PRKCB: variants seen among roughly 807,000 people sequenced by gnomAD.
PRKCB encodes the protein protein kinase C beta type.
A neutral mutation model predicts 81.5 loss-of-function variants in PRKCB; 13 were observed. That is an observed-to-expected ratio of 0.16 (90% CI 0.10 to 0.25). PRKCB has a LOEUF of 0.25. Ranked by LOEUF, PRKCB falls within the 10% of genes least tolerant of loss-of-function variation. PRKCB has a pLI of 1.00. For missense variants in PRKCB, 509 were observed against 875.7 expected (o/e 0.58, Z 5.29); for synonymous variants, 335 against 321.4 (o/e 1.04, Z -0.45).
chr16:24,021,775 A>T (rs1384505625), intron 3 of PRKCB, among the ~76,000 whole-genome samples: 1 of 152,088 alleles, frequency 6.6e-6, no homozygotes, highest in Non-Finnish European at 1.5e-5. Context: ...CTCATCTGGA[A>T]TACCAGGATA....
At chr16:23,952,123 G>A (rs1213047538) in intron 2 of PRKCB, among the ~76,000 whole-genome samples, 4 of 152,118 alleles carry the variant, frequency 2.6e-5, no homozygotes, top group African/African-American at 9.7e-5. Flanking sequence ...ACTGAATGAG[G>A]GAATGAATGA....
In PRKCB at chr16:23,836,004, C is replaced by T; in HGVS notation, c.-172C>T. The T allele has an allele frequency of 4.3e-6, 1 of 230,314 alleles. No homozygotes were observed. Among genetic ancestry groups the T allele is most frequent in the Non-Finnish European group, 7.1e-6 (1 of 140,042 alleles). 14.3% of individuals were successfully genotyped at this position (230,314 alleles called of 1,614,324 possible). A position where few individuals can be genotyped will look rare whatever the true frequency, so the allele number is the denominator to read the frequency against. On this transcript the variant is annotated 5_prime_UTR_variant, in exon 1 of 17. Transcript: ENST00000643927. The stretch of plus-strand genomic sequence containing the variant: ...AGCTGGACGAGCGGCAGCAGCTGGG[C>T]GAGTGACAGCCCCGGCTCCGCGCGC...
intron 8 of PRKCB, among the ~76,000 whole-genome samples, chr16:24,119,376 C>A (rs762464151): frequency 6.6e-6 from 1 of 152,064 alleles, no homozygotes; most frequent in Admixed American, 6.5e-5. Flanking sequence ...CTGTCCACTA[C>A]GCAAAGTCAA....
At chr16:23,978,402 TGTC>T (rs1964652198) in intron 2 of PRKCB, among the ~76,000 whole-genome samples, 1 of 152,198 alleles carries the variant, frequency 6.6e-6, no homozygotes, top group African/African-American at 2.4e-5. Flanking sequence ...ATGAGTGAAC[TGTC>T]GTCTGTCCTG....
rs142170476 is a variant in PRKCB at position 24,007,961 on chromosome 16, C to A, written c.288+19371C>A. 2.5e-3 allele frequency among the ~76,000 whole-genome samples: 384 copies of A among 151,366 alleles called. 1 individual carries two copies. The highest frequency in any genetic ancestry group is 3.8e-3 in the Non-Finnish European group (256 of 67,934). On this transcript the variant is annotated intron_variant, in intron 3 of 16. Coordinates refer to ENST00000643927, the MANE Select transcript of PRKCB (RefSeq NM_002738.7). ...GTTCATGCCCTCATGAGGGCTCCCC[C>A]ACCTCCAGTGGTCTAGGATTCTAGG...
chr16:23,838,333 T>C (rs930904275), intron 2 of PRKCB, among the ~76,000 whole-genome samples: 30 of 152,366 alleles, frequency 2.0e-4, no homozygotes, highest in African/African-American at 7.2e-4. Context: ...TCGTCGTAGA[T>C]GGGGAACAGC....
chr16:23,891,002 CGT>C (rs10551727), intron 2 of PRKCB, among the ~76,000 whole-genome samples: 78,400 of 147,606 alleles, frequency 0.53, 21,177 homozygotes, highest in East Asian at 0.63. Flanking sequence ...ATATATAATG[CGT>C]GTGTGTGTGT....
chr16:23,997,076 A>G (rs913459617), intron 3 of PRKCB, among the ~76,000 whole-genome samples: 1 of 152,148 alleles, frequency 6.6e-6, no homozygotes, highest in African/African-American at 2.4e-5. Flanking sequence ...TCTCAGTTCC[A>G]GAGGGAGGAA....
chr16:23,879,070 C>T, intron 2 of PRKCB, among the ~76,000 whole-genome samples: 1 of 151,974 alleles, frequency 6.6e-6, no homozygotes, highest in South Asian at 2.1e-4. Context: ...CCCAGCTACT[C>T]AGGAGGTTGA....
chr16:24,191,228 G>A lies in PRKCB; in HGVS notation c.1861G>A (p.Ala621Thr), dbSNP rs777885939. The change falls in exon 16 of 17, where the codon GCT becomes ACT. Residue 621 changes from alanine (A) to threonine (T), a missense_variant and splice_region_variant. Ala to Thr is a moderately conservative substitution (Grantham distance 58). Coordinates refer to ENST00000643927, the MANE Select transcript of PRKCB (RefSeq NM_002738.7). ...KEIQPPYKPK[A>T]CGRNAENFDR... is the part of the protein sequence containing the mutation. ...GATCCAGCCCCCTTATAAGCCAAAAGCTGTAAGTAGCCCATTCTCTCTGAC... is the reference window on the plus strand; with the variant it reads ...GATCCAGCCCCCTTATAAGCCAAAAACTGTAAGTAGCCCATTCTCTCTGAC... 6.8e-6 allele frequency: 11 copies of A among 1,613,884 alleles called. No homozygotes were observed. In the East Asian group the frequency reaches 2.5e-4, roughly 36 times the overall value.
chr16:24,197,149 A>G (rs1010498335), intron 16 of PRKCB, among the ~76,000 whole-genome samples: 1 of 152,224 alleles, frequency 6.6e-6, no homozygotes, highest in African/African-American at 2.4e-5. Context: ...CCCTGCCTTC[A>G]TGGAGCTTAT....
intron 5 of PRKCB, among the ~76,000 whole-genome samples, chr16:24,044,271 A>G (rs965549018): frequency 6.6e-6 from 1 of 152,166 alleles, no homozygotes; most frequent in Non-Finnish European, 1.5e-5. Context: ...AGACACGAGA[A>G]TCACTTGAAC....
chr16:23,857,716 G>A (rs1335329912), intron 2 of PRKCB, among the ~76,000 whole-genome samples: 1 of 150,964 alleles, frequency 6.6e-6, no homozygotes, highest in Non-Finnish European at 1.5e-5. Flanking sequence ...GAGAGAGAGA[G>A]AGTGTGTGTG....
intron 7 of PRKCB, among the ~76,000 whole-genome samples, chr16:24,108,920 T>A (rs1966620085): frequency 6.7e-6 from 1 of 148,228 alleles, no homozygotes; most frequent in South Asian, 2.1e-4. Context: ...CACTTCCCAG[T>A]AGGGGCGGCC....
chr16:23,882,014 CTTTCTTT>C lies in PRKCB; in HGVS notation c.205+44609_205+44615del, dbSNP rs2141108967. On this transcript the variant is annotated intron_variant, in intron 2 of 16. Coordinates refer to ENST00000643927, the MANE Select transcript of PRKCB (RefSeq NM_002738.7). ...TCTTTCTTTCTTTCTTTCTTTCTTTCTTTCTTTCTTCCTTCCTTCCTTCCTTCCTTCC... is the reference window on the plus strand; with the variant it reads ...TCTTTCTTTCTTTCTTTCTTTCTTTCCTTCCTTCCTTCCTTCCTTCCTTCC... Among the ~76,000 whole-genome samples the C allele has an allele frequency of 1.0e-3, 105 of 101,558 alleles. 1 individual carries two copies. Among genetic ancestry groups the C allele is most frequent in the African/African-American group, 3.4e-3 (82 of 24,362 alleles). 66.6% of individuals were successfully genotyped at this position (101,558 alleles called of 152,430 possible).
intron 16 of PRKCB, among the ~76,000 whole-genome samples, chr16:24,195,204 A>C (rs1251995098): frequency 6.7e-6 from 1 of 150,054 alleles, no homozygotes; most frequent in Non-Finnish European, 1.5e-5. Context: ...CTGTCTCAGA[A>C]AAAAAAAAAA....
chr16:24,046,286 C>G (rs765809766), intron 5 of PRKCB, among the ~76,000 whole-genome samples: 5 of 152,206 alleles, frequency 3.3e-5, no homozygotes, highest in Non-Finnish European at 5.9e-5. Flanking sequence ...GGGTTTGAAT[C>G]CTGCCTTTCC....
intron 2 of PRKCB, among the ~76,000 whole-genome samples, chr16:23,952,326 C>G (rs748250161): frequency 2.6e-5 from 4 of 152,162 alleles, no homozygotes; most frequent in African/African-American, 9.7e-5. Flanking sequence ...TTATCAAACT[C>G]TGTGTGTGTA....
At chr16:23,856,986 T>A (rs1160378403) in intron 2 of PRKCB, among the ~76,000 whole-genome samples, 1 of 152,170 alleles carries the variant, frequency 6.6e-6, no homozygotes, top group Admixed American at 6.5e-5. Flanking sequence ...GCCCATGGAC[T>A]GTTGAGGCTT....
Sources: gnomAD v4.1 joint callset for allele counts (sites outside exome capture counted in the v4.1 genomes callset) on GRCh38, gnomAD v4.1.1 for gene constraint, MANE v1.5 for transcripts, NCBI Gene and HGNC (gene_info 2026-07-23, HGNC 2026-07-21) for gene names.